The following NPAS3 variants were observed in gnomAD, a reference collection of about 807,000 sequenced individuals.
NPAS3 encodes the protein neuronal PAS domain-containing protein 3.
A neutral mutation model predicts 73.1 loss-of-function variants in NPAS3; 14 were observed. The ratio of observed to expected loss-of-function variants is 0.19; its 90% CI spans 0.13 to 0.30. The LOEUF is 0.30. Among genes scored for constraint, NPAS3 ranks in the 10% least tolerant of loss-of-function variants. NPAS3 has a pLI of 1.00. For missense variants in NPAS3, 1,096 were observed against 1,250.0 expected (o/e 0.88, Z 1.86); for synonymous variants, 620 against 541.5 (o/e 1.14, Z -2.01).
intron 5 of NPAS3, among the ~76,000 whole-genome samples, chr14:33,663,958 C>CTATT (rs2059381509): frequency 6.7e-6 from 1 of 149,824 alleles, no homozygotes; most frequent in Non-Finnish European, 1.5e-5. Flanking sequence ...GGCTAGTGGT[C>CTATT]TATTTCGTTA....
At chr14:32,942,215 A>G (rs2036048272) in intron 1 of NPAS3, among the ~76,000 whole-genome samples, 1 of 152,346 alleles carries the variant, frequency 6.6e-6, no homozygotes, top group Admixed American at 6.5e-5. Flanking sequence ...ATTTATGGAC[A>G]GTTTATTCTT....
At chr14:33,550,986 G>A (rs906909707) in intron 4 of NPAS3, among the ~76,000 whole-genome samples, 12 of 152,134 alleles carry the variant, frequency 7.9e-5, no homozygotes, top group Non-Finnish European at 1.3e-4. Flanking sequence ...ATTTATAGCT[G>A]TATGTGGTTC....
intron 8 of NPAS3, among the ~76,000 whole-genome samples, chr14:33,774,810 G>C (rs1044379650): frequency 6.6e-6 from 1 of 152,196 alleles, no homozygotes; most frequent in Non-Finnish European, 1.5e-5. Context: ...GGAGAGAGCA[G>C]GGCTTAGATG....
intron 5 of NPAS3, among the ~76,000 whole-genome samples, chr14:33,623,706 C>T (rs2058144879): frequency 6.6e-6 from 1 of 152,178 alleles, no homozygotes. Context: ...GGCCTCCTCC[C>T]CACACACCTT....
chr14:33,688,615 G>A (rs2140396686), intron 6 of NPAS3, among the ~76,000 whole-genome samples: 1 of 152,216 alleles, frequency 6.6e-6, no homozygotes, highest in South Asian at 2.1e-4. Flanking sequence ...AGACCTCAGG[G>A]TGTACTTCAA....
intron 6 of NPAS3, among the ~76,000 whole-genome samples, chr14:33,696,382 T>C (rs1180727087): frequency 6.6e-6 from 1 of 152,174 alleles, no homozygotes; most frequent in Non-Finnish European, 1.5e-5. Flanking sequence ...GCCACTTTCG[T>C]CACCCACAAA....
At chr14:33,204,402 C>T (rs2046744767) in intron 2 of NPAS3, among the ~76,000 whole-genome samples, 1 of 152,094 alleles carries the variant, frequency 6.6e-6, no homozygotes, top group Non-Finnish European at 1.5e-5. Context: ...ATTCTAATTA[C>T]AGTAGTTAGG....
chr14:33,225,229 C>A (rs971925621), intron 3 of NPAS3, among the ~76,000 whole-genome samples: 14 of 152,194 alleles, frequency 9.2e-5, no homozygotes, highest in Admixed American at 5.2e-4. Flanking sequence ...GACTTTATAA[C>A]TGAACTATTG....
intron 2 of NPAS3, among the ~76,000 whole-genome samples, chr14:33,196,886 T>C (rs919737769): frequency 2.6e-5 from 4 of 152,234 alleles, no homozygotes; most frequent in African/African-American, 7.2e-5. Flanking sequence ...TCAGGTATCC[T>C]TGTGCAATTC....
At chr14:33,710,836 T>C (rs1464525907) in intron 6 of NPAS3, among the ~76,000 whole-genome samples, 1 of 152,246 alleles carries the variant, frequency 6.6e-6, no homozygotes. Context: ...TAGAGAAATT[T>C]GAACATATCT....
chr14:33,789,211 C>T (rs1474156304), intron 9 of NPAS3, among the ~76,000 whole-genome samples: 1 of 152,142 alleles, frequency 6.6e-6, no homozygotes, highest in African/African-American at 2.4e-5. Context: ...TTAAATCTCT[C>T]CCAGTTCATC....
intron 5 of NPAS3, among the ~76,000 whole-genome samples, chr14:33,577,716 T>C (rs1054298161): frequency 1.3e-5 from 2 of 152,230 alleles, no homozygotes; most frequent in African/African-American, 4.8e-5. Flanking sequence ...TATTCTGTCT[T>C]CTCTAAAATA....
At chr14:33,151,914 G>A (rs912858) in intron 2 of NPAS3, among the ~76,000 whole-genome samples, 83,628 of 151,978 alleles carry the variant, frequency 0.55, 23,242 homozygotes, top group East Asian at 0.72. Flanking sequence ...GAGACTGAGC[G>A]TATACAAGCA....
upstream of NPAS3, among the ~76,000 whole-genome samples, chr14:32,938,029 C>A (rs1374103239): frequency 6.6e-6 from 1 of 152,162 alleles, no homozygotes; most frequent in Non-Finnish European, 1.5e-5. Flanking sequence ...GGGTGGCAGT[C>A]CGGTCCCAAG....
chr14:33,402,307 T>C (rs995981934), intron 4 of NPAS3, among the ~76,000 whole-genome samples: 30 of 152,162 alleles, frequency 2.0e-4, no homozygotes, highest in Admixed American at 7.2e-4. Flanking sequence ...GATAAATTGA[T>C]ACTTTTCCTC....
intron 3 of NPAS3, among the ~76,000 whole-genome samples, chr14:33,331,091 A>G (rs1258687231): frequency 6.6e-6 from 1 of 152,202 alleles, no homozygotes; most frequent in African/African-American, 2.4e-5. Context: ...GATTTATAAT[A>G]ACGTTTTATA....
At chr14:33,291,135 G>C (rs1475751972) in intron 3 of NPAS3, among the ~76,000 whole-genome samples, 1 of 152,000 alleles carries the variant, frequency 6.6e-6, no homozygotes, top group Non-Finnish European at 1.5e-5. Context: ...TCACCCTATG[G>C]AGCCAGAGGG....
chr14:33,278,010 A>G (rs2041414946), intron 3 of NPAS3, among the ~76,000 whole-genome samples: 1 of 152,028 alleles, frequency 6.6e-6, no homozygotes, highest in Non-Finnish European at 1.5e-5. Flanking sequence ...GGCGTACACT[A>G]AGGTATGGTG....
intron 4 of NPAS3, among the ~76,000 whole-genome samples, chr14:33,402,663 C>A (rs1359765630): frequency 6.6e-6 from 1 of 152,118 alleles, no homozygotes; most frequent in Non-Finnish European, 1.5e-5. Context: ...AACTCCACCA[C>A]CCTCAGGAGG....
Sources: gnomAD v4.1 joint callset for allele counts (sites outside exome capture counted in the v4.1 genomes callset) on GRCh38, gnomAD v4.1.1 for gene constraint, MANE v1.5 for transcripts, NCBI Gene and HGNC (gene_info 2026-07-23, HGNC 2026-07-21) for gene names.